The following SLC5A8 variants were observed in gnomAD, a reference collection of about 807,000 sequenced individuals.
The protein encoded by SLC5A8 is sodium-coupled monocarboxylate transporter 1.
In SLC5A8, 55 loss-of-function variants were observed where a neutral mutation model predicts 71.9. That is an observed-to-expected ratio of 0.77 (90% confidence interval 0.62 to 0.96). The LOEUF is 0.96. SLC5A8 is among the 40% of genes least tolerant of loss of function. The pLI is 0.00. For missense variants in SLC5A8, 701 were observed against 745.3 expected (o/e 0.94, Z 0.69); for synonymous variants, 307 against 276.1 (o/e 1.11, Z -1.11).
At chr12:101,180,151 C>A in intron 9 of SLC5A8, 55 bp from the exon 10 acceptor site, 2 of 1,549,402 alleles carry the variant, frequency 1.3e-6, no homozygotes, top group Non-Finnish European at 1.8e-6. Context: ...AATTAGAATT[C>A]TCAATAGAAT....
chr12:101,172,161 TG>T (rs1241711399), intron 10 of SLC5A8, among the ~76,000 whole-genome samples: 2 of 151,950 alleles, frequency 1.3e-5, no homozygotes. Context: ...CAGGCACAGC[TG>T]GGGCACCAAG....
At chr12:101,182,498 C>T (rs185940550) in intron 9 of SLC5A8, among the ~76,000 whole-genome samples, 129 of 152,136 alleles carry the variant, frequency 8.5e-4, no homozygotes, top group Admixed American at 1.8e-3. Flanking sequence ...AATTTTAACA[C>T]AAATTTAGGA....
chr12:101,158,588 CTCTCTCTCTCTATATATATATA>C (rs1468393829), intron 13 of SLC5A8, among the ~76,000 whole-genome samples: 33 of 38,058 alleles, frequency 8.7e-4, no homozygotes, highest in African/African-American at 4.5e-3. Context: ...CTCTCTCTCT[CTCTCTCTCTCTATATATATATA>C]TATATATATA....
At position 101,195,084 on chromosome 12, in the gene SLC5A8, C is replaced by T. The variant is rs1348131961; in HGVS notation, c.537+11G>A. On this transcript the variant is annotated intron_variant, in intron 4 of 14. Coordinates refer to ENST00000536262, the MANE Select transcript of SLC5A8 (RefSeq NM_145913.5). ...GGGTAGAGTGAAAAGGGAAATATGT[C>T]CTGGACGTACCAGTGTGCAGTAGAA... 2 of 1,613,876 alleles carry T rather than the reference C, an allele frequency of 1.2e-6. No individual in the cohort carries two copies. The highest frequency in any genetic ancestry group is 1.7e-6 in the Non-Finnish European group (2 of 1,179,920).
At chr12:101,158,598 C>CTA (rs139268658) in intron 13 of SLC5A8, among the ~76,000 whole-genome samples, 250 of 21,176 alleles carry the variant, frequency 0.012, 3 homozygotes, top group East Asian at 0.024. Context: ...CTCTCTCTCT[C>CTA]TATATATATA....
At chr12:101,161,899 T>C (rs2137121687) in intron 13 of SLC5A8, 75 bp downstream of exon 13, 1 of 1,039,378 alleles carries the variant, frequency 9.6e-7, no homozygotes, top group Non-Finnish European at 1.5e-6. Flanking sequence ...TAAAATAACA[T>C]AAATAGCTAT....
rs577432919 is a variant in SLC5A8, at chr12:101,201,237, T to G, written c.469+927A>C. Among the ~76,000 whole-genome samples, 61 of 152,328 alleles carry G rather than the reference T, an allele frequency of 4.0e-4. No homozygotes were observed. The South Asian group carries it at 0.013, about 32-fold the overall frequency. ...ACTTGTGATGTTGGTAATACCGATG[T>G]GGAACATGCCCAGAATTCAGAGTTC... On this transcript the variant is annotated intron_variant, in intron 3 of 14. Transcript: ENST00000536262.
chr12:101,195,171 A>C lies in SLC5A8; in HGVS notation c.470-9T>G, dbSNP rs775487592. On this transcript the variant is annotated splice_polypyrimidine_tract_variant and intron_variant, in intron 3 of 14. Coordinates refer to ENST00000536262, the MANE Select transcript of SLC5A8 (RefSeq NM_145913.5). Reference sequence around the variant, plus strand: ...CAGATCAAATCCTGTGACTGTAGAAAAAAATAGAATGCATATATAATTGTG... The same window carrying C: ...CAGATCAAATCCTGTGACTGTAGAACAAAATAGAATGCATATATAATTGTG... The C allele has an allele frequency of 3.1e-6, 5 of 1,613,854 alleles. No individual in the cohort carries two copies. Among genetic ancestry groups the C allele is most frequent in the Non-Finnish European group, 3.4e-6 (4 of 1,179,878 alleles).
intron 2 of SLC5A8, among the ~76,000 whole-genome samples, chr12:101,202,914 T>C (rs535477533): frequency 5.9e-5 from 9 of 152,334 alleles, no homozygotes; most frequent in Admixed American, 3.9e-4. Flanking sequence ...TAAAAGCATA[T>C]TATGAAAATA....
intron 5 of SLC5A8, 123 bp from the exon 6 acceptor site, chr12:101,190,731 A>C: frequency 6.2e-6 from 4 of 644,412 alleles, no homozygotes; most frequent in Non-Finnish European, 9.1e-6. Flanking sequence ...TAAATATGTA[A>C]AAATTTATTA....
rs369828219 is a variant in SLC5A8, at chr12:101,184,263, T to A, written c.964-41A>T. The A allele has an allele frequency of 2.1e-5, 32 of 1,504,002 alleles. No homozygotes were observed. The African/African-American group carries it at 4.4e-4, about 21-fold the overall frequency. The allele number at this position is 1,504,002 out of a possible 1,614,324, so 93.2% of individuals were successfully genotyped here. A position where few individuals can be genotyped will look rare whatever the true frequency, so the allele number is the denominator to read the frequency against. ...ATTTATTTCCAAGTACTTTCGCTAC[T>A]GAATAAAATTAATGAATGCCTAGTT... On this transcript the variant is annotated intron_variant, in intron 7 of 14. Transcript: ENST00000536262.
chr12:101,155,538 G>C lies in SLC5A8; in HGVS notation c.*1741C>G, dbSNP rs1264575515. 7.1e-6 allele frequency: 1 copy of C among 140,828 alleles called. No individual in the cohort carries two copies. The highest frequency in any genetic ancestry group is 1.5e-5 in the Non-Finnish European group (1 of 66,486). The allele number at this position is 140,828 out of a possible 1,614,324, so 8.7% of individuals were successfully genotyped here. A position where few individuals can be genotyped will look rare whatever the true frequency, so the allele number is the denominator to read the frequency against. ...ATTTCACTCTGTTACCCAGGCTGGA[G>C]TGCAGTGGTGTAATCATAGCTCAAT... On this transcript the variant is annotated 3_prime_UTR_variant, in exon 15 of 15. Coordinates refer to ENST00000536262, the MANE Select transcript of SLC5A8 (RefSeq NM_145913.5).
chr12:101,201,579 C>A (rs1219983739), intron 3 of SLC5A8, among the ~76,000 whole-genome samples: 2 of 152,224 alleles, frequency 1.3e-5, no homozygotes, highest in African/African-American at 4.8e-5. Flanking sequence ...AGCCTCACTG[C>A]ATTTATCTTC....
At chr12:101,158,115 A>G in intron 14 of SLC5A8, 134 bp downstream of exon 14, 1 of 679,380 alleles carries the variant, frequency 1.5e-6, no homozygotes, top group Non-Finnish European at 2.6e-6. Flanking sequence ...CAACATATAT[A>G]GATCATCAGA....
rs1176119752 is a variant in SLC5A8 at position 101,209,383 on chromosome 12, C to T, written c.351+115G>A. 8 of 743,706 alleles carry T rather than the reference C, an allele frequency of 1.1e-5. No homozygotes were observed. In the East Asian group the frequency reaches 1.1e-4, roughly 10 times the overall value. The allele number at this position is 743,706 out of a possible 1,614,324, so 46.1% of individuals were successfully genotyped here. A position where few individuals can be genotyped will look rare whatever the true frequency, so the allele number is the denominator to read the frequency against. On this transcript the variant is annotated intron_variant, in intron 1 of 14. Coordinates refer to ENST00000536262, the MANE Select transcript of SLC5A8 (RefSeq NM_145913.5). ...AAGGGAGGGTGATGATGACGATGGA[C>T]GGGGAGAGATTTCGATGTGGCAGTG...
chr12:101,190,235 A>G (rs1261944693), intron 6 of SLC5A8, among the ~76,000 whole-genome samples: 1 of 152,232 alleles, frequency 6.6e-6, no homozygotes, highest in Non-Finnish European at 1.5e-5. Context: ...AAACAGATGC[A>G]CAATAAATGC....
At chr12:101,175,601 AG>A (rs2051872679) in intron 10 of SLC5A8, among the ~76,000 whole-genome samples, 1 of 152,038 alleles carries the variant, frequency 6.6e-6, no homozygotes, top group South Asian at 2.1e-4. Flanking sequence ...TGAAAACTAA[AG>A]AAAAAACAAA....
chr12:101,190,376 G>T, intron 6 of SLC5A8, 92 bp downstream of exon 6: 1 of 1,351,254 alleles, frequency 7.4e-7, no homozygotes, highest in Non-Finnish European at 1.0e-6. Context: ...TGACACAAAA[G>T]ACATAAAGGA....
intron 1 of SLC5A8, 101 bp downstream of exon 1, chr12:101,209,397 G>C (rs1869816218): frequency 1.2e-6 from 1 of 821,998 alleles, no homozygotes; most frequent in Non-Finnish European, 1.9e-6. Flanking sequence ...GAGAGATTTC[G>C]ATGTGGCAGT....
Sources: gnomAD v4.1 joint callset for allele counts (sites outside exome capture counted in the v4.1 genomes callset) on GRCh38, gnomAD v4.1.1 for gene constraint, MANE v1.5 for transcripts, NCBI Gene and HGNC (gene_info 2026-07-23, HGNC 2026-07-21) for gene names.